The following PALM2AKAP2 variants were observed in gnomAD, a reference collection of about 807,000 sequenced individuals.
The protein encoded by PALM2AKAP2 is PALM2-AKAP2 fusion protein.
A neutral mutation model predicts 71.5 loss-of-function variants in PALM2AKAP2; 37 were observed. The observed-to-expected ratio is 0.52, with a 90% confidence interval of 0.40 to 0.68. The LOEUF is 0.68. Ranked by LOEUF, PALM2AKAP2 falls within the 30% of genes least tolerant of loss-of-function variation. The pLI is 0.00. For synonymous variants in PALM2AKAP2, 468 were observed against 478.8 expected (o/e 0.98, Z 0.29); for missense variants, 1,224 against 1,191.8 (o/e 1.03, Z -0.40).
chr9:109,931,349 G>T (rs573795097), intron 5 of PALM2AKAP2, among the ~76,000 whole-genome samples: 2 of 152,198 alleles, frequency 1.3e-5, no homozygotes, highest in African/African-American at 4.8e-5. Context: ...GGACTTTCTA[G>T]CTGAAACACC....
In PALM2AKAP2 at chr9:109,722,773, T is replaced by C. The variant is rs557187534; in HGVS notation, c.6-57715T>C. 2.6e-5 allele frequency among the ~76,000 whole-genome samples: 4 copies of C among 152,218 alleles called. No individual in the cohort carries two copies. In the South Asian group the frequency reaches 8.3e-4, roughly 32 times the overall value. ...GTAGACAGAGTGAGACCCTGTCTCATAAATAAATAAACAAACAAAAACACT... is the reference window on the plus strand; with the variant it reads ...GTAGACAGAGTGAGACCCTGTCTCACAAATAAATAAACAAACAAAAACACT... On this transcript the variant is annotated intron_variant, in intron 1 of 6. Coordinates refer to the PALM2AKAP2 transcript ENST00000374531.
At chr9:109,699,345 TG>T (rs1162243866) in intron 1 of PALM2AKAP2, among the ~76,000 whole-genome samples, 1 of 152,218 alleles carries the variant, frequency 6.6e-6, no homozygotes, top group Non-Finnish European at 1.5e-5. Flanking sequence ...ATCAAAAGCT[TG>T]AAACTAGTTC....
In PALM2AKAP2 at chr9:110,048,859, G is replaced by A. The variant is rs1393012279; in HGVS notation, c.156+4G>A. Reference sequence around the variant, plus strand: ...CCCCGGGAGCGGGCGCCCAGAGGTGGGTGTCCAAGCTGGGGAGGGGAGGGG... The same window carrying A: ...CCCCGGGAGCGGGCGCCCAGAGGTGAGTGTCCAAGCTGGGGAGGGGAGGGG... On this transcript the variant is annotated splice_donor_region_variant and intron_variant, in intron 1 of 3. Transcript: ENST00000374525. 2.6e-6 allele frequency: 4 copies of A among 1,527,556 alleles called. No homozygotes were observed. In the East Asian group the frequency reaches 7.4e-5, roughly 28 times the overall value. 94.6% of individuals were successfully genotyped at this position (1,527,556 alleles called of 1,614,324 possible). A position where few individuals can be genotyped will look rare whatever the true frequency, so the allele number is the denominator to read the frequency against.
intron 6 of PALM2AKAP2, among the ~76,000 whole-genome samples, chr9:109,971,241 A>G (rs935197355): frequency 3.4e-5 from 5 of 145,600 alleles, no homozygotes; most frequent in Non-Finnish European, 7.4e-5. Flanking sequence ...TCCTTATCCA[A>G]TGCTGAACTT....
chr9:109,794,404 A>ATT (rs57551115), intron 1 of PALM2AKAP2, among the ~76,000 whole-genome samples: 50,807 of 143,774 alleles, frequency 0.35, 9,475 homozygotes, highest in South Asian at 0.44. Flanking sequence ...TTCCAGGTGT[A>ATT]TTTTTTTTTT....
chr9:110,154,352 C>T (rs532015486), intron 2 of PALM2AKAP2, among the ~76,000 whole-genome samples: 8 of 152,288 alleles, frequency 5.3e-5, no homozygotes, highest in Admixed American at 5.2e-4. Context: ...CCAGAGCTTA[C>T]ACGCTCACCA....
At chr9:109,749,198 C>A (rs1193269677) in intron 1 of PALM2AKAP2, among the ~76,000 whole-genome samples, 2 of 152,134 alleles carry the variant, frequency 1.3e-5, no homozygotes, top group Admixed American at 1.3e-4. Context: ...GTTAGTCCTT[C>A]TAGAAGGAGT....
chr9:110,013,561 C>A (rs1832921695), intron 6 of PALM2AKAP2, among the ~76,000 whole-genome samples: 1 of 152,196 alleles, frequency 6.6e-6, no homozygotes, highest in Non-Finnish European at 1.5e-5. Context: ...CTCCTTGCAG[C>A]AATTCCTTGA....
chr9:109,997,489 G>T lies in PALM2AKAP2; in HGVS notation c.497-18465G>T, dbSNP rs181601098. ...TGGGGCCACACTGGCAAGACATTGAGGGTTTTATATACACATATATATATT... is the reference window on the plus strand; with the variant it reads ...TGGGGCCACACTGGCAAGACATTGATGGTTTTATATACACATATATATATT... On this transcript the variant is annotated intron_variant, in intron 6 of 9. Transcript: ENST00000302798. Among the ~76,000 whole-genome samples, 474 of 152,292 alleles carry T rather than the reference G, an allele frequency of 3.1e-3. 5 individuals are homozygous for T. The highest frequency in any genetic ancestry group is 3.7e-3 in the Admixed American group (57 of 15,296).
intron 1 of PALM2AKAP2, among the ~76,000 whole-genome samples, chr9:109,752,251 A>C (rs576056941): frequency 5.3e-5 from 8 of 152,250 alleles, no homozygotes; most frequent in African/African-American, 1.9e-4. Flanking sequence ...GGTAGAATGC[A>C]AGAAGACTTC....
At chr9:109,914,592 G>A (rs770561129) in intron 3 of PALM2AKAP2, among the ~76,000 whole-genome samples, 1 of 152,226 alleles carries the variant, frequency 6.6e-6, no homozygotes, top group African/African-American at 2.4e-5. Flanking sequence ...TGGCCAGACA[G>A]GCACCCCACT....
At chr9:110,019,971 A>T (rs1833044751) in intron 7 of PALM2AKAP2, among the ~76,000 whole-genome samples, 1 of 151,962 alleles carries the variant, frequency 6.6e-6, no homozygotes, top group South Asian at 2.1e-4. Context: ...AAAAAGAATT[A>T]TTTTTTTTCT....
chr9:109,708,721 T>C (rs1828181109), intron 1 of PALM2AKAP2, among the ~76,000 whole-genome samples: 1 of 152,228 alleles, frequency 6.6e-6, no homozygotes, highest in Admixed American at 6.5e-5. Context: ...TGAATGTCTA[T>C]TCTTACTCAC....
At chr9:109,664,890 T>G (rs1297415752) in intron 1 of PALM2AKAP2, among the ~76,000 whole-genome samples, 2 of 152,240 alleles carry the variant, frequency 1.3e-5, no homozygotes, top group Non-Finnish European at 2.9e-5. Context: ...TTTGTTCCTT[T>G]TTGCTCTTTT....
At chr9:109,950,555 C>T (rs974944848) in intron 6 of PALM2AKAP2, among the ~76,000 whole-genome samples, 5 of 152,204 alleles carry the variant, frequency 3.3e-5, no homozygotes, top group Non-Finnish European at 7.3e-5. Context: ...TCAGAAACTA[C>T]TCACCACTCT....
chr9:109,664,557 T>C (rs1447423266), intron 1 of PALM2AKAP2, among the ~76,000 whole-genome samples: 1 of 152,248 alleles, frequency 6.6e-6, no homozygotes, highest in Non-Finnish European at 1.5e-5. Context: ...CTAAGAGATC[T>C]GCTGTTAGTC....
intron 7 of PALM2AKAP2, among the ~76,000 whole-genome samples, chr9:110,029,097 A>T (rs1272396410): frequency 6.6e-6 from 1 of 152,178 alleles, no homozygotes; most frequent in Non-Finnish European, 1.5e-5. Context: ...TAGGAATCCA[A>T]ATCTGATCCA....
At chr9:109,953,303 A>G (rs1470358999) in intron 6 of PALM2AKAP2, among the ~76,000 whole-genome samples, 1 of 152,240 alleles carries the variant, frequency 6.6e-6, no homozygotes, top group East Asian at 1.9e-4. Context: ...ACTACCAAGT[A>G]GACCTAGACA....
At chr9:109,914,766 C>A (rs908252659) in intron 3 of PALM2AKAP2, among the ~76,000 whole-genome samples, 4 of 152,210 alleles carry the variant, frequency 2.6e-5, no homozygotes, top group Admixed American at 6.5e-5. Context: ...TAGGGCGTAA[C>A]CCTAGTCTAT....
Sources: allele counts gnomAD v4.1 joint callset (sites outside exome capture counted in the v4.1 genomes callset), GRCh38; gene constraint gnomAD v4.1.1; transcripts MANE v1.5; gene names NCBI Gene and HGNC (gene_info 2026-07-23, HGNC 2026-07-21).